CCSER1: variants seen among roughly 807,000 people sequenced by gnomAD.
CCSER1 encodes the protein serine-rich coiled-coil domain-containing protein 1.
In CCSER1, 41 loss-of-function variants were observed where a neutral mutation model predicts 82.0. That is an observed-to-expected ratio of 0.50 (90% confidence interval 0.39 to 0.65). CCSER1 has a LOEUF of 0.65. Among genes scored for constraint, CCSER1 ranks in the 30% least tolerant of loss-of-function variants. CCSER1 has a pLI of 0.00. For synonymous variants in CCSER1, 414 were observed against 383.9 expected, an observed-to-expected ratio of 1.08 and a Z score of -0.92; for missense variants, 1,119 against 1,064.2, an observed-to-expected ratio of 1.05 and a Z score of -0.72.
At chr4:90,475,018 G>A (rs1316110164) in intron 5 of CCSER1, among the ~76,000 whole-genome samples, 1 of 151,918 alleles carries the variant, frequency 6.6e-6, no homozygotes, top group Non-Finnish European at 1.5e-5. Flanking sequence ...TTTATGTTGA[G>A]TATTATATCA....
At chr4:90,296,086 C>T (rs1235963407) in intron 1 of CCSER1, among the ~76,000 whole-genome samples, 1 of 151,914 alleles carries the variant, frequency 6.6e-6, no homozygotes, top group Admixed American at 6.6e-5. Context: ...TTTTGTTATA[C>T]TGACATTGCC....
chr4:91,302,365 T>A (rs1221088636), intron 10 of CCSER1, among the ~76,000 whole-genome samples: 3 of 152,022 alleles, frequency 2.0e-5, no homozygotes, highest in Admixed American at 6.6e-5. Context: ...TCTTGTTAGC[T>A]CTACTTTCAA....
chr4:90,781,655 C>T (rs1336147869), intron 7 of CCSER1: 1 of 972,812 alleles, frequency 1.0e-6, no homozygotes, highest in Non-Finnish European at 1.2e-6. Context: ...AGTAGCTTTA[C>T]ATGTATTAAG....
rs998949968 is a variant in CCSER1, at chr4:91,605,068, G to C, written c.*6011G>C. 6.6e-6 allele frequency: 1 copy of C among 151,074 alleles called. No individual in the cohort carries two copies. Among genetic ancestry groups the C allele is most frequent in the African/African-American group, 2.4e-5 (1 of 41,362 alleles). The allele number at this position is 151,074 out of a possible 1,614,324, so 9.4% of individuals were successfully genotyped here. A position where few individuals can be genotyped will look rare whatever the true frequency, so the allele number is the denominator to read the frequency against. ...ATCTCTAAAACTCTAAAACTTTAGT[G>C]AGAAAGATAATAAATAGAAAATTAC... On this transcript the variant is annotated 3_prime_UTR_variant, in exon 11 of 11. Coordinates refer to ENST00000509176, the MANE Select transcript of CCSER1 (RefSeq NM_001145065.2).
At chr4:90,835,102 C>T (rs563644442) in intron 8 of CCSER1, among the ~76,000 whole-genome samples, 46 of 152,226 alleles carry the variant, frequency 3.0e-4, no homozygotes, top group African/African-American at 9.9e-4. Flanking sequence ...GAGGCCGAGG[C>T]GGATGGATCA....
At chr4:90,482,547 G>A (rs1766210499) in intron 5 of CCSER1, among the ~76,000 whole-genome samples, 2 of 152,150 alleles carry the variant, frequency 1.3e-5, no homozygotes, top group African/African-American at 2.4e-5. Flanking sequence ...CTTTGAATGT[G>A]TCCCAGAGAT....
At chr4:90,355,384 T>C (rs550815785) in intron 3 of CCSER1, among the ~76,000 whole-genome samples, 11 of 152,138 alleles carry the variant, frequency 7.2e-5, no homozygotes, top group Admixed American at 2.0e-4. Flanking sequence ...GGCATAGATT[T>C]TTAACTTACT....
At chr4:90,983,043 A>C (rs1446679874) in intron 9 of CCSER1, among the ~76,000 whole-genome samples, 1 of 151,810 alleles carries the variant, frequency 6.6e-6, no homozygotes, top group African/African-American at 2.4e-5. Flanking sequence ...ACCAGTCAGC[A>C]GCATGACTTA....
chr4:90,543,619 C>T (rs1043707155), intron 5 of CCSER1, among the ~76,000 whole-genome samples: 4 of 152,120 alleles, frequency 2.6e-5, no homozygotes, highest in Non-Finnish European at 5.9e-5. Flanking sequence ...TGCAGCAGAG[C>T]TGAGGACCTT....
intron 4 of CCSER1, among the ~76,000 whole-genome samples, chr4:90,403,389 C>T (rs2153547043): frequency 6.8e-6 from 1 of 147,146 alleles, no homozygotes; most frequent in Middle Eastern, 3.5e-3. Context: ...GTCCCAGCTA[C>T]TTGGGAGGCT....
intron 4 of CCSER1, among the ~76,000 whole-genome samples, chr4:90,424,126 T>G (rs921781802): frequency 6.6e-6 from 1 of 152,166 alleles, no homozygotes; most frequent in South Asian, 2.1e-4. Flanking sequence ...AGTATTTTAT[T>G]TTTTACATCT....
chr4:90,501,192 G>T (rs983728029), intron 5 of CCSER1, among the ~76,000 whole-genome samples: 4 of 151,980 alleles, frequency 2.6e-5, no homozygotes, highest in Non-Finnish European at 5.9e-5. Context: ...GTTATTGATG[G>T]TAATAAATAT....
At chr4:91,283,012 G>T (rs898732712) in intron 10 of CCSER1, among the ~76,000 whole-genome samples, 1 of 151,898 alleles carries the variant, frequency 6.6e-6, no homozygotes, top group African/African-American at 2.4e-5. Flanking sequence ...ATCTTTTAAA[G>T]ATATTCTTGT....
chr4:90,865,639 C>G (rs917622709), intron 8 of CCSER1, among the ~76,000 whole-genome samples: 3 of 151,986 alleles, frequency 2.0e-5, no homozygotes, highest in African/African-American at 7.2e-5. Context: ...TTATATCCTC[C>G]TATTTTTTTG....
intron 10 of CCSER1, among the ~76,000 whole-genome samples, chr4:91,559,855 T>C (rs563447863): frequency 6.6e-6 from 1 of 151,600 alleles, no homozygotes; most frequent in African/African-American, 2.4e-5. Context: ...TAAATAAAAA[T>C]GGTCTTATTC....
At chr4:90,358,701 GA>G (rs1744765180) in intron 3 of CCSER1, among the ~76,000 whole-genome samples, 1 of 152,008 alleles carries the variant, frequency 6.6e-6, no homozygotes. Flanking sequence ...ACATTTGGGG[GA>G]GAAACAAATA....
Position 90,390,622 on chromosome 4 carries a change from T to G in CCSER1, c.1510-9414T>G, listed in dbSNP as rs78626735. On this transcript the variant is annotated intron_variant, in intron 3 of 10. Coordinates refer to ENST00000509176, the MANE Select transcript of CCSER1 (RefSeq NM_001145065.2). ...TGCAAAAGACATGCTTTTGTCCTTT[T>G]TTATGGCTGTGTGGTATTCCATAGT... 8.3e-3 allele frequency among the ~76,000 whole-genome samples: 1,257 copies of G among 152,316 alleles called. 15 individuals carry two copies. Among genetic ancestry groups the G allele is most frequent in the African/African-American group, 0.028 (1,183 of 41,560 alleles).
intron 8 of CCSER1, among the ~76,000 whole-genome samples, chr4:90,818,937 A>G (rs2149779756): frequency 6.6e-6 from 1 of 152,328 alleles, no homozygotes; most frequent in Non-Finnish European, 1.5e-5. Context: ...TAAATATGTA[A>G]CTGTTTGTAC....
intron 6 of CCSER1, among the ~76,000 whole-genome samples, chr4:90,718,264 A>G (rs1300666660): frequency 6.6e-6 from 1 of 152,110 alleles, no homozygotes; most frequent in Non-Finnish European, 1.5e-5. Flanking sequence ...AATGGCTTAA[A>G]AAAGTTAAAA....
Sources: allele counts gnomAD v4.1 joint callset (sites outside exome capture counted in the v4.1 genomes callset), GRCh38; gene constraint gnomAD v4.1.1; transcripts MANE v1.5; gene names NCBI Gene and HGNC (gene_info 2026-07-23, HGNC 2026-07-21).